Variants in GAD2 observed in about 807,000 individuals in gnomAD.
The protein encoded by GAD2 is 65 kDa glutamic acid decarboxylase.
GAD2 carries 22 observed loss-of-function variants against 80.1 expected under a neutral mutation model. That is an observed-to-expected ratio of 0.27 (90% CI 0.20 to 0.39). The LOEUF (loss-of-function observed/expected upper bound fraction) is 0.39. Ranked by LOEUF, GAD2 falls within the 10% of genes least tolerant of loss-of-function variation. The pLI is 1.00. For missense variants in GAD2, 624 were observed against 738.4 expected (o/e 0.85, Z 1.80); for synonymous variants, 274 against 256.9 (o/e 1.07, Z -0.64).
intron 8 of GAD2, among the ~76,000 whole-genome samples, chr10:26,265,647 T>C (rs1245239974): frequency 6.6e-6 from 1 of 152,228 alleles, no homozygotes; most frequent in Non-Finnish European, 1.5e-5. Context: ...AGCAGTGTTA[T>C]AAAGCATCAG....
Position 26,257,433 on chromosome 10 carries a change from T to C in GAD2, c.920+11433T>C, listed in dbSNP as rs527801236. On this transcript the variant is annotated intron_variant, in intron 8 of 15. Transcript: ENST00000376261. The stretch of plus-strand genomic sequence containing the variant: ...CTTCTTCCACTCATTCTCCCTGCTC[T>C]CTTCCATTCACCTCTTTCTCCTCCC... Among the ~76,000 whole-genome samples, 37 of 152,342 alleles carry C rather than the reference T, an allele frequency of 2.4e-4. 1 individual carries two copies. In the South Asian group the frequency reaches 7.7e-3, roughly 32 times the overall value.
At chr10:26,268,617 C>G (rs1019488393) in intron 8 of GAD2, among the ~76,000 whole-genome samples, 13 of 152,084 alleles carry the variant, frequency 8.5e-5, no homozygotes, top group Non-Finnish European at 1.5e-4. Flanking sequence ...TTTTGGCCTT[C>G]TTTACGCTTT....
At position 26,217,981 on chromosome 10, in the gene GAD2, C is replaced by T. The variant is rs1286344007; in HGVS notation, c.276C>T (p.Leu92=). The change falls in exon 3 of 16, where the codon CTC becomes CTT. Residue 92 remains leucine (L), a synonymous_variant. Coordinates refer to ENST00000376261, the MANE Select transcript of GAD2 (RefSeq NM_001134366.2). This position sits in a 1 kb window ranked among gnomAD's most constrained non-coding sequence, Gnocchi z 4.9. The part of the protein sequence containing the change: ...CSKVDVNYAF[L]HATDLLPACD... ...AAGTGGATGTCAACTACGCGTTTCT[C>T]CATGCAACAGGTAAAGACTCAGCGG... 6.2e-7 allele frequency: 1 copy of T among 1,610,242 alleles called. No homozygotes were observed. The highest frequency in any genetic ancestry group is 8.5e-7 in the Non-Finnish European group (1 of 1,178,410).
At chr10:26,276,839 T>A (rs994785105) in intron 11 of GAD2, among the ~76,000 whole-genome samples, 6 of 152,222 alleles carry the variant, frequency 3.9e-5, no homozygotes, top group African/African-American at 1.4e-4. Flanking sequence ...CTCTCACTCC[T>A]GCCCTGAGAG....
chr10:26,238,791 TC>T (rs200207960), intron 7 of GAD2, among the ~76,000 whole-genome samples: 2,155 of 152,334 alleles, frequency 0.014, 56 homozygotes, highest in African/African-American at 0.049. Flanking sequence ...AAGAGAATGT[TC>T]TTTCGGGCCA....
chr10:26,292,411 C>A, intron 13 of GAD2, 54 bp from the exon 14 acceptor site: 1 of 1,316,350 alleles, frequency 7.6e-7, no homozygotes, highest in Non-Finnish European at 1.1e-6. Context: ...CCAGGGAAAT[C>A]GCTTCCTCCG....
chr10:26,238,050 G>T (rs1419183107), intron 7 of GAD2, among the ~76,000 whole-genome samples: 2 of 139,002 alleles, frequency 1.4e-5, no homozygotes, highest in Admixed American at 1.4e-4. Context: ...ACACACACAA[G>T]AAAAGAAAGG....
intron 8 of GAD2, among the ~76,000 whole-genome samples, chr10:26,254,569 AAAG>A (rs1844922302): frequency 6.6e-6 from 1 of 152,194 alleles, no homozygotes; most frequent in Non-Finnish European, 1.5e-5. Flanking sequence ...AAGGAACTGA[AAAG>A]AAGAGAGGAC....
rs540995235 is a variant in GAD2 at position 26,253,454 on chromosome 10, G to C, written c.920+7454G>C. Reference sequence around the variant, plus strand: ...TAGAAAAGAAAAGTGCATTAATATAGAGAGGAAAATAAACATTTGTGAAAG... The same window carrying C: ...TAGAAAAGAAAAGTGCATTAATATACAGAGGAAAATAAACATTTGTGAAAG... On this transcript the variant is annotated intron_variant, in intron 8 of 15. Transcript: ENST00000376261. Among the ~76,000 whole-genome samples the C allele has an allele frequency of 8.5e-5, 13 of 152,340 alleles. No individual in the cohort carries two copies. The East Asian group carries it at 2.5e-3, about 29-fold the overall frequency.
At chr10:26,297,983 A>G (rs757180058) in intron 15 of GAD2, among the ~76,000 whole-genome samples, 1 of 152,204 alleles carries the variant, frequency 6.6e-6, no homozygotes, top group Non-Finnish European at 1.5e-5. Flanking sequence ...TTGGCTCTTC[A>G]TGTCAAAAGG....
intron 8 of GAD2, among the ~76,000 whole-genome samples, chr10:26,261,807 C>T (rs1373515427): frequency 6.6e-6 from 1 of 152,082 alleles, no homozygotes; most frequent in Non-Finnish European, 1.5e-5. Context: ...ACTTCCTTCT[C>T]TTCTGGAATG....
Position 26,224,520 on chromosome 10 carries a change from G to T in GAD2, c.612-19G>T. ...TATCTGAGTTACAGAGGTAAAATGT[G>T]GCCATTACTACATTTCAGGTTCACC... On this transcript the variant is annotated intron_variant, in intron 5 of 15. Transcript: ENST00000376261. 1 of 1,380,164 alleles carries T rather than the reference G, an allele frequency of 7.2e-7. No individual in the cohort carries two copies. The highest frequency in any genetic ancestry group is 1.0e-6 in the Non-Finnish European group (1 of 966,666). 85.5% of individuals were successfully genotyped at this position (1,380,164 alleles called of 1,614,324 possible).
chr10:26,256,787 C>T (rs190709687), intron 8 of GAD2, among the ~76,000 whole-genome samples: 51 of 152,238 alleles, frequency 3.4e-4, no homozygotes, highest in Admixed American at 9.8e-4. Flanking sequence ...CAGGTCACTC[C>T]GCTATGAAAT....
rs147731584 is a variant in GAD2, at chr10:26,298,392, T to G, written c.1585-2396T>G. 2.7e-4 allele frequency among the ~76,000 whole-genome samples: 41 copies of G among 152,350 alleles called. 2 individuals are homozygous for G. The highest frequency in any genetic ancestry group is 9.4e-4 in the African/African-American group (39 of 41,588). ...GGCTAATTTTAGTTCATCAGCATTT[T>G]CTGGAAGCAACCAAAAGTCATATGT... On this transcript the variant is annotated intron_variant, in intron 15 of 15. Transcript: ENST00000376261.
chr10:26,280,675 A>G (rs528910085), intron 11 of GAD2, among the ~76,000 whole-genome samples: 3 of 152,050 alleles, frequency 2.0e-5, no homozygotes, highest in African/African-American at 7.2e-5. Flanking sequence ...CCTTTCACAC[A>G]TATTTAAGAG....
Position 26,303,865 on chromosome 10 carries a change from A to T in GAD2, c.*2904A>T, listed in dbSNP as rs185055163. 6.6e-6 allele frequency: 1 copy of T among 152,334 alleles called. No homozygotes were observed. Among genetic ancestry groups the T allele is most frequent in the Non-Finnish European group, 1.5e-5 (1 of 68,036 alleles). The allele number at this position is 152,334 out of a possible 1,614,324, so 9.4% of individuals were successfully genotyped here. Reference sequence around the variant, plus strand: ...TTAGATCTGAACTGTACAGTGTTGCAAATCAACATGTGTTTCTGTAAAAGC... The same window carrying T: ...TTAGATCTGAACTGTACAGTGTTGCTAATCAACATGTGTTTCTGTAAAAGC... On this transcript the variant is annotated 3_prime_UTR_variant, in exon 16 of 16. Transcript: ENST00000376261.
intron 8 of GAD2, among the ~76,000 whole-genome samples, chr10:26,267,295 T>C (rs1486171603): frequency 6.6e-6 from 1 of 152,276 alleles, no homozygotes; most frequent in Non-Finnish European, 1.5e-5. Flanking sequence ...TTAAACTTTA[T>C]GTAAAAGATA....
chr10:26,254,408 G>A (rs889197582), intron 8 of GAD2, among the ~76,000 whole-genome samples: 1 of 152,238 alleles, frequency 6.6e-6, no homozygotes, highest in Admixed American at 6.5e-5. Flanking sequence ...TGATCTGACA[G>A]GAGGCGGGGC....
chr10:26,224,475 T>C, intron 5 of GAD2, 64 bp from the exon 6 acceptor site: 1 of 936,142 alleles, frequency 1.1e-6, no homozygotes. Context: ...CTGTAGCTAT[T>C]GTAATGATTG....
Sources: allele counts gnomAD v4.1 joint callset (sites outside exome capture counted in the v4.1 genomes callset), GRCh38; gene constraint gnomAD v4.1.1; non-coding constraint Gnocchi (gnomAD v3.1); transcripts MANE v1.5; gene names NCBI Gene and HGNC (gene_info 2026-07-23, HGNC 2026-07-21).